The following SPATA6L variants were observed in gnomAD, a reference collection of about 807,000 sequenced individuals.
The protein encoded by SPATA6L is spermatogenesis associated 6-like protein.
Under a neutral mutation model 49.2 loss-of-function variants are expected in SPATA6L, and 68 were observed. The ratio of observed to expected loss-of-function variants is 1.38; its 90% CI spans 1.14 to 1.69. SPATA6L has a LOEUF of 1.69. SPATA6L is among the 40% of genes most tolerant of loss of function. The probability of loss-of-function intolerance (pLI) is 0.00; values close to 1 mark genes in which losing one functional copy is unlikely to be tolerated. For missense variants in SPATA6L, 668 were observed against 464.3 expected, an observed-to-expected ratio of 1.44 and a Z score of -4.03; for synonymous variants, 198 against 165.7, an observed-to-expected ratio of 1.19 and a Z score of -1.50.
Position 4,642,910 on chromosome 9 carries a change from A to T in SPATA6L, c.227-7511T>A, listed in dbSNP as rs573952118. On this transcript the variant is annotated intron_variant, in intron 3 of 11. Coordinates refer to ENST00000682582, the MANE Select transcript of SPATA6L (RefSeq NM_001353486.2). Reference sequence around the variant, plus strand: ...GAAGGAAAGAAAGAAAACAAATCATAATATGGGAAAATGAAAATTTTTAAG... The same window carrying T: ...GAAGGAAAGAAAGAAAACAAATCATTATATGGGAAAATGAAAATTTTTAAG... Among the ~76,000 whole-genome samples, 18 of 152,328 alleles carry T rather than the reference A, an allele frequency of 1.2e-4. No homozygotes were observed. In the South Asian group the frequency reaches 3.7e-3, roughly 32 times the overall value.
At chr9:4,648,656 C>T (rs989245719) in intron 3 of SPATA6L, among the ~76,000 whole-genome samples, 7 of 149,862 alleles carry the variant, frequency 4.7e-5, no homozygotes, top group Admixed American at 2.7e-4. Flanking sequence ...GCCGAGATTG[C>T]GCCACTGCAC....
At chr9:4,659,666 T>A (rs1839151309) in intron 2 of SPATA6L, among the ~76,000 whole-genome samples, 1 of 152,148 alleles carries the variant, frequency 6.6e-6, no homozygotes, top group Non-Finnish European at 1.5e-5. Flanking sequence ...TTCACAGAAT[T>A]GGAAAAAACT....
intron 11 of SPATA6L, among the ~76,000 whole-genome samples, chr9:4,603,778 T>C (rs1377310779): frequency 1.3e-5 from 2 of 150,514 alleles, no homozygotes; most frequent in Non-Finnish European, 3.0e-5. Flanking sequence ...AGAGAGGGAG[T>C]GTCGTGTCAT....
At chr9:4,655,840 C>T (rs972814223) in intron 3 of SPATA6L, among the ~76,000 whole-genome samples, 5 of 151,998 alleles carry the variant, frequency 3.3e-5, no homozygotes, top group African/African-American at 7.2e-5. Context: ...TGTGAGCCAC[C>T]GTGCCCAGCC....
In SPATA6L at chr9:4,662,657, G is replaced by T. The variant is rs1158490354; in HGVS notation, c.40-621C>A. 1 of 1,599,878 alleles carries T rather than the reference G, an allele frequency of 6.3e-7. No homozygotes were observed. Among genetic ancestry groups the T allele is most frequent in the East Asian group, 2.2e-5 (1 of 44,856 alleles). On this transcript the variant is annotated intron_variant, in intron 1 of 11. Coordinates refer to ENST00000682582, the MANE Select transcript of SPATA6L (RefSeq NM_001353486.2). This position sits in a 1 kb window ranked among gnomAD's most constrained non-coding sequence, Gnocchi z 4.9. ...TGCCCGAGGAGGACCGCATGGACTT[G>T]AACCCGTCCTTCCTGGGCATCGCCC...
intron 3 of SPATA6L, among the ~76,000 whole-genome samples, chr9:4,645,231 G>A (rs1299293239): frequency 2.0e-5 from 3 of 151,906 alleles, no homozygotes; most frequent in Non-Finnish European, 1.5e-5. Flanking sequence ...ACACACAGAA[G>A]AACTAAAAGC....
At chr9:4,651,486 C>A (rs1010087924) in intron 3 of SPATA6L, among the ~76,000 whole-genome samples, 55 of 152,204 alleles carry the variant, frequency 3.6e-4, no homozygotes, top group African/African-American at 1.1e-3. Context: ...CAGAACATAC[C>A]CCAACAGATT....
In SPATA6L at chr9:4,635,292, T is replaced by A. The variant is rs752158994; in HGVS notation, c.334A>T (p.Thr112Ser). The A allele has an allele frequency of 6.5e-7, 1 of 1,538,018 alleles. No individual in the cohort carries two copies. ...PRRCREVLMK[T>S]ALGFPGIAPK... is the part of the protein sequence containing the mutation. ...TCACTTACTGGAAAACCCAGAGCCGTCTTCATGAGCACCTCCCTACACCTC... is the reference window on the plus strand; with the variant it reads ...TCACTTACTGGAAAACCCAGAGCCGACTTCATGAGCACCTCCCTACACCTC... Residue 112 changes from threonine (T) to serine (S), a missense_variant, in exon 4 of 12, where the codon ACG becomes TCG. Thr to Ser is a moderately conservative substitution (Grantham distance 58, BLOSUM62 1). Transcript: ENST00000682582.
intron 9 of SPATA6L, among the ~76,000 whole-genome samples, chr9:4,606,665 AAAAGTAGATAAAACCACAAAG>A (rs1825246856): frequency 9.0e-6 from 1 of 110,718 alleles, no homozygotes; most frequent in African/African-American, 3.9e-5. Flanking sequence ...ATCAAAGACC[AAAAGTAGATAAAACCACAAAG>A]ATGGGGAAAA....
chr9:4,618,202 G>T (rs1020961508), intron 8 of SPATA6L, 92 bp from the exon 9 acceptor site: 4 of 1,086,334 alleles, frequency 3.7e-6, no homozygotes, highest in Middle Eastern at 2.3e-4. Context: ...AAGATAACTC[G>T]GGCTAAGATG....
At chr9:4,629,708 AT>A (rs1339460665) in intron 4 of SPATA6L, among the ~76,000 whole-genome samples, 15 of 143,594 alleles carry the variant, frequency 1.0e-4, no homozygotes, top group Non-Finnish European at 1.5e-4. Context: ...TTCTATTTCT[AT>A]TTTTTGTTCT....
downstream of SPATA6L, among the ~76,000 whole-genome samples, chr9:4,595,116 C>T (rs1822157410): frequency 1.3e-5 from 2 of 152,204 alleles, no homozygotes; most frequent in Non-Finnish European, 1.5e-5. Flanking sequence ...GTCCTTATTT[C>T]TGCAGGGCAA....
rs758857857 is a variant in SPATA6L at position 4,662,371 on chromosome 9, C to A, written c.40-335G>T. 1.3e-6 allele frequency: 2 copies of A among 1,506,130 alleles called. No homozygotes were observed. The highest frequency in any genetic ancestry group is 1.8e-6 in the Non-Finnish European group (2 of 1,135,248). 93.3% of individuals were successfully genotyped at this position (1,506,130 alleles called of 1,614,324 possible). ...CAGGTCCCGGGATCCGGGCCGCCAG[C>A]TGCGATGCCAAGTCCCCGGAGGAGC... On this transcript the variant is annotated intron_variant, in intron 1 of 11. Transcript: ENST00000682582. The surrounding 1 kb of genome is among the most constrained non-coding windows in gnomAD (Gnocchi z 4.9).
intron 3 of SPATA6L, among the ~76,000 whole-genome samples, chr9:4,645,423 CTG>C (rs1835154160): frequency 6.6e-6 from 1 of 152,232 alleles, no homozygotes; most frequent in South Asian, 2.1e-4. Flanking sequence ...GGTTGAGGGG[CTG>C]TGTCTGGTGA....
intron 3 of SPATA6L, among the ~76,000 whole-genome samples, chr9:4,642,826 A>C (rs962986137): frequency 1.3e-5 from 2 of 150,428 alleles, no homozygotes; most frequent in Middle Eastern, 6.9e-3. Context: ...CAAAATCAAC[A>C]TTTATATCCA....
intron 11 of SPATA6L, among the ~76,000 whole-genome samples, chr9:4,601,538 T>C (rs1248616872): frequency 6.6e-6 from 1 of 152,184 alleles, no homozygotes; most frequent in African/African-American, 2.4e-5. Context: ...ATTCTCTCCC[T>C]CTACGTGGTC....
chr9:4,598,699 T>G lies in SPATA6L; in HGVS notation c.*2112A>C, dbSNP rs4742012. 0.78 allele frequency among the ~76,000 whole-genome samples: 118,140 copies of G among 152,094 alleles called. 46,103 individuals carry two copies. Among genetic ancestry groups the G allele is most frequent in the Middle Eastern group, 0.89 (261 of 294 alleles). ...CTGAAATGGGATACCAATTCATTAG[T>G]GCTGCTTTCCTTTAGCTGCTTACGT... is the stretch of plus-strand genomic sequence containing the variant. On this transcript the variant is annotated 3_prime_UTR_variant, in exon 12 of 12. Coordinates refer to ENST00000682582, the MANE Select transcript of SPATA6L (RefSeq NM_001353486.2).
chr9:4,622,785 A>T (rs1178764982), intron 6 of SPATA6L, among the ~76,000 whole-genome samples: 1 of 152,240 alleles, frequency 6.6e-6, no homozygotes, highest in Non-Finnish European at 1.5e-5. Flanking sequence ...AACAACTGGT[A>T]AGGATCCCGC....
At position 4,662,249 on chromosome 9, in the gene SPATA6L, C is replaced by T. The variant is rs577265620; in HGVS notation, c.40-213G>A. 8.7e-5 allele frequency: 125 copies of T among 1,434,554 alleles called. No individual in the cohort carries two copies. Among genetic ancestry groups the T allele is most frequent in the Middle Eastern group, 2.6e-4 (1 of 3,916 alleles). The allele number at this position is 1,434,554 out of a possible 1,614,324, so 88.9% of individuals were successfully genotyped here. On this transcript the variant is annotated intron_variant, in intron 1 of 11. Transcript: ENST00000682582. This position sits in a 1 kb window ranked among gnomAD's most constrained non-coding sequence, Gnocchi z 4.9. The stretch of plus-strand genomic sequence containing the variant: ...CCTCCCACGTCTCCACCAGGTGTCA[C>T]AATCGCGCTCTCGCCGGCTCCTCTC...
Sources: gnomAD v4.1 joint callset for allele counts (sites outside exome capture counted in the v4.1 genomes callset) on GRCh38, gnomAD v4.1.1 for gene constraint, Gnocchi (gnomAD v3.1) non-coding constraint, MANE v1.5 for transcripts, NCBI Gene and HGNC (gene_info 2026-07-23, HGNC 2026-07-21) for gene names.